The following UXS1 variants were observed in gnomAD, a reference collection of about 807,000 sequenced individuals.
UXS1 encodes the protein UDP-glucuronate decarboxylase 1.
Under a neutral mutation model 62.6 loss-of-function variants are expected in UXS1, and 33 were observed. That is an observed-to-expected ratio of 0.53 (90% CI 0.40 to 0.70). The LOEUF (loss-of-function observed/expected upper bound fraction) is 0.70, where lower values mean the gene tolerates loss of function less well. Ranked by LOEUF, UXS1 falls within the 30% of genes least tolerant of loss-of-function variation. The probability of loss-of-function intolerance (pLI) is 0.00; values close to 1 mark genes in which losing one functional copy is unlikely to be tolerated. For synonymous variants in UXS1, 213 were observed against 206.8 expected (o/e 1.03, Z -0.26); for missense variants, 434 against 556.3 (o/e 0.78, Z 2.21).
chr2:106,118,546 G>A (rs989040794), intron 9 of UXS1, among the ~76,000 whole-genome samples: 2 of 152,144 alleles, frequency 1.3e-5, no homozygotes, highest in Non-Finnish European at 2.9e-5. Context: ...GCACACAGAG[G>A]CGGCAATTTA....
At chr2:106,183,245 A>ATTTT (rs1558759327) in intron 1 of UXS1, among the ~76,000 whole-genome samples, 15 of 151,176 alleles carry the variant, frequency 9.9e-5, no homozygotes, top group Admixed American at 2.0e-4. Flanking sequence ...TTTTTTAAAA[A>ATTTT]AAAAAAAAAA....
At chr2:106,113,829 G>A (rs948078515) in intron 9 of UXS1, among the ~76,000 whole-genome samples, 5 of 152,222 alleles carry the variant, frequency 3.3e-5, no homozygotes, top group South Asian at 2.1e-4. Flanking sequence ...CCACTGACTC[G>A]GTCGCAGCAA....
intron 6 of UXS1, among the ~76,000 whole-genome samples, chr2:106,140,491 C>CA (rs1258184520): frequency 6.6e-6 from 1 of 152,216 alleles, no homozygotes; most frequent in South Asian, 2.1e-4. Context: ...CCTTGGCAAA[C>CA]ACTGTTTCCA....
chr2:106,148,723 G>A (rs1247681531), intron 5 of UXS1, among the ~76,000 whole-genome samples: 1 of 152,170 alleles, frequency 6.6e-6, no homozygotes, highest in Non-Finnish European at 1.5e-5. Flanking sequence ...TTAGGCAAGT[G>A]TTTCAAATAG....
chr2:106,151,374 G>A (rs1169231290), intron 5 of UXS1, among the ~76,000 whole-genome samples: 1 of 152,146 alleles, frequency 6.6e-6, no homozygotes. Context: ...TGGGAGGTGA[G>A]GCCTAATGAG....
chr2:106,129,473 T>C (rs1308381754), intron 7 of UXS1, among the ~76,000 whole-genome samples: 1 of 152,038 alleles, frequency 6.6e-6, no homozygotes, highest in East Asian at 1.9e-4. Context: ...AGTTAGACCA[T>C]CTCCTCCATG....
intron 1 of UXS1, among the ~76,000 whole-genome samples, chr2:106,178,606 A>G (rs1269496377): frequency 1.3e-5 from 2 of 151,912 alleles, no homozygotes; most frequent in African/African-American, 2.4e-5. Flanking sequence ...ATGTGTGTGT[A>G]TATATGTGTG....
chr2:106,166,942 C>T (rs914468750), intron 1 of UXS1, among the ~76,000 whole-genome samples: 4 of 152,168 alleles, frequency 2.6e-5, no homozygotes, highest in African/African-American at 4.8e-5. Context: ...TAACCTCTCC[C>T]TTGTAATGAT....
At chr2:106,122,837 TG>T in intron 9 of UXS1, 132 bp downstream of exon 9, 1 of 1,187,392 alleles carries the variant, frequency 8.4e-7, no homozygotes, top group Non-Finnish European at 1.2e-6. Context: ...TTTATAATAC[TG>T]GGAAACTGAG....
chr2:106,096,935 G>A (rs191562021), intron 13 of UXS1, 114 bp from the exon 14 acceptor site: 26 of 1,044,636 alleles, frequency 2.5e-5, no homozygotes, highest in Non-Finnish European at 3.2e-5. Context: ...GGGTGCAGGC[G>A]GTGGAAATGC....
At position 106,157,995 on chromosome 2, in the gene UXS1, A is replaced by G. The variant is rs1682579710; in HGVS notation, c.291+63T>C. 3.0e-6 allele frequency: 4 copies of G among 1,346,212 alleles called. No homozygotes were observed. In the Admixed American group the frequency reaches 8.1e-5, roughly 27 times the overall value. 83.4% of individuals were successfully genotyped at this position (1,346,212 alleles called of 1,614,324 possible). A position where few individuals can be genotyped will look rare whatever the true frequency, so the allele number is the denominator to read the frequency against. On this transcript the variant is annotated intron_variant, in intron 5 of 14. Transcript: ENST00000283148. ...GCGTGAATTCTATGATATGTGAATT[A>G]TCTCTCAACGAAAAAAGAAAGTTTC...
Position 106,136,301 on chromosome 2 carries a change from T to G in UXS1, c.473-6523A>C, listed in dbSNP as rs1236817319. Among the ~76,000 whole-genome samples the G allele has an allele frequency of 4.2e-5, 6 of 141,830 alleles. No homozygotes were observed. The Admixed American group carries it at 4.2e-4, about 10-fold the overall frequency. The allele number at this position is 141,830 out of a possible 152,430, so 93.0% of individuals were successfully genotyped here. On this transcript the variant is annotated intron_variant, in intron 6 of 14. Coordinates refer to ENST00000283148, the MANE Select transcript of UXS1 (RefSeq NM_001253875.2). ...GGATGTGGAGAAATAGGAACACTTT[T>G]ACACTGTTGGTGGGACTGTAAACTA... is the stretch of plus-strand genomic sequence containing the variant.
At chr2:106,139,332 A>G (rs1198033456) in intron 6 of UXS1, among the ~76,000 whole-genome samples, 5 of 152,216 alleles carry the variant, frequency 3.3e-5, no homozygotes, top group African/African-American at 1.2e-4. Context: ...CCAATTAATG[A>G]TCAGCAGCAT....
intron 5 of UXS1, among the ~76,000 whole-genome samples, chr2:106,149,756 T>C (rs1010580682): frequency 1.3e-5 from 2 of 152,120 alleles, no homozygotes; most frequent in African/African-American, 4.8e-5. Context: ...GGAAAAAGCT[T>C]TGGAACTAGG....
chr2:106,123,641 A>G (rs905021846), intron 8 of UXS1, among the ~76,000 whole-genome samples: 16 of 152,158 alleles, frequency 1.1e-4, no homozygotes, highest in African/African-American at 3.9e-4. Context: ...TCTAGCCCTC[A>G]TTTTACACTC....
intron 1 of UXS1, among the ~76,000 whole-genome samples, chr2:106,170,695 C>A (rs1009478226): frequency 1.3e-5 from 2 of 152,190 alleles, no homozygotes; most frequent in African/African-American, 2.4e-5. Flanking sequence ...GCAGGACAAA[C>A]CCCCACGTTG....
At chr2:106,098,795 G>A in intron 12 of UXS1, 22 bp from the exon 13 acceptor site, 5 of 1,606,450 alleles carry the variant, frequency 3.1e-6, no homozygotes, top group Non-Finnish European at 4.3e-6. Context: ...ACGGTTTCCA[G>A]TTATAAGCGT....
chr2:106,125,363 G>A lies in UXS1; in HGVS notation c.637+257C>T, dbSNP rs140659970. Among the ~76,000 whole-genome samples, 61 of 152,350 alleles carry A rather than the reference G, an allele frequency of 4.0e-4. No homozygotes were observed. In the East Asian group the frequency reaches 0.011, roughly 28 times the overall value. The stretch of plus-strand genomic sequence containing the variant: ...AGAGCAGAATGGCAGAAACACTTCT[G>A]TGGAATCATAAATGGTGGGTCTTTA... On this transcript the variant is annotated intron_variant, in intron 8 of 14. Transcript: ENST00000283148.
chr2:106,097,036 T>C, intron 13 of UXS1: 1 of 673,656 alleles, frequency 1.5e-6, no homozygotes, highest in Admixed American at 2.0e-5. Flanking sequence ...AAGCTGACTG[T>C]GTGCAGGCGC....
Sources: gnomAD v4.1 joint callset for allele counts (sites outside exome capture counted in the v4.1 genomes callset) on GRCh38, gnomAD v4.1.1 for gene constraint, MANE v1.5 for transcripts, NCBI Gene and HGNC (gene_info 2026-07-23, HGNC 2026-07-21) for gene names.